Variants in MEGF6 observed in about 807,000 individuals in gnomAD.
The protein encoded by MEGF6 is multiple EGF like domains 6.
Under a neutral mutation model 207.1 loss-of-function variants are expected in MEGF6, and 184 were observed. That is an observed-to-expected ratio of 0.89 (90% CI 0.79 to 1.00). MEGF6 has a LOEUF of 1.00. MEGF6 is among the 50% of genes least tolerant of loss of function. The probability of loss-of-function intolerance (pLI) is 0.00; values close to 1 mark genes in which losing one functional copy is unlikely to be tolerated. For synonymous variants in MEGF6, 1,038 were observed against 910.0 expected (o/e 1.14, Z -2.53); for missense variants, 2,282 against 2,202.9 (o/e 1.04, Z -0.72).
intron 3 of MEGF6, among the ~76,000 whole-genome samples, chr1:3,580,246 G>T (rs1266192948): frequency 1.3e-5 from 2 of 151,148 alleles, no homozygotes; most frequent in East Asian, 2.0e-4. Flanking sequence ...TCTGAGAGGG[G>T]TGGGAGGAGG....
chr1:3,594,550 C>T lies in MEGF6; in HGVS notation c.376+788G>A, dbSNP rs993144598. 4.6e-5 allele frequency among the ~76,000 whole-genome samples: 7 copies of T among 152,202 alleles called. No homozygotes were observed. Among genetic ancestry groups the T allele is most frequent in the South Asian group, 2.1e-4 (1 of 4,830 alleles). ...GCCACCTCGATTTTTTAGGGGAGGC[C>T]GGCTTTATGGGACAGGGTCCCATGA... is the stretch of plus-strand genomic sequence containing the variant. On this transcript the variant is annotated intron_variant, in intron 3 of 36. Transcript: ENST00000356575. This position sits in a 1 kb window ranked among gnomAD's most constrained non-coding sequence, Gnocchi z 4.2.
At chr1:3,569,440 A>G (rs966261648) in intron 4 of MEGF6, among the ~76,000 whole-genome samples, 2 of 152,234 alleles carry the variant, frequency 1.3e-5, no homozygotes, top group African/African-American at 4.8e-5. Flanking sequence ...ACAGCCCCAC[A>G]CCCGGATGCC....
At chr1:3,601,718 T>C (rs1330427894) in intron 2 of MEGF6, among the ~76,000 whole-genome samples, 1 of 152,212 alleles carries the variant, frequency 6.6e-6, no homozygotes, top group African/African-American at 2.4e-5. Context: ...TCTCCTCTAC[T>C]CTGAACACAT....
chr1:3,494,441 G>A lies in MEGF6; in HGVS notation c.4059C>T (p.Asn1353=), dbSNP rs772729101. 5.1e-6 allele frequency: 8 copies of A among 1,569,710 alleles called. No individual in the cohort carries two copies. In the South Asian group the frequency reaches 5.8e-5, roughly 11 times the overall value. The change falls in exon 32 of 37, where the codon AAC becomes AAT. Residue 1353 remains asparagine (N), a synonymous_variant. Transcript: ENST00000356575. ...TGCCCGTGGCAGGCTCACACGTGCT[G>A]TTGTTGTGGCAGGAGCACTCCAGAT... ...ACHLECSCHN[N]STCEPATGTC...
At chr1:3,615,298 G>A (rs997849154), upstream of MEGF6, among the ~76,000 whole-genome samples, 7 of 152,202 alleles carry the variant, frequency 4.6e-5, no homozygotes, top group African/African-American at 1.4e-4. Context: ...GAGAAAGGGC[G>A]GCTGCAGAGA....
chr1:3,560,464 T>C lies in MEGF6; in HGVS notation c.481+19361A>G, dbSNP rs534553514. 1.3e-5 allele frequency among the ~76,000 whole-genome samples: 2 copies of C among 152,238 alleles called. No individual in the cohort carries two copies. The highest frequency in any genetic ancestry group is 2.9e-5 in the Non-Finnish European group (2 of 68,014). ...CTCTGTGCTCCGCCTATTCACCCCT[T>C]CCTCCCTCCTTCCTCACCCCTGGCA... is the stretch of plus-strand genomic sequence containing the variant. On this transcript the variant is annotated intron_variant, in intron 4 of 36. Transcript: ENST00000356575. This position sits in a 1 kb window ranked among gnomAD's most constrained non-coding sequence, Gnocchi z 4.0.
chr1:3,541,655 C>T (rs948715518), intron 4 of MEGF6, among the ~76,000 whole-genome samples: 6 of 152,170 alleles, frequency 3.9e-5, no homozygotes, highest in Non-Finnish European at 8.8e-5. Context: ...CCGCAGCCCT[C>T]GGTCACTTCC....
chr1:3,490,517 G>C lies in MEGF6; in HGVS notation c.*11C>G. 6.2e-7 allele frequency: 1 copy of C among 1,612,466 alleles called. No homozygotes were observed. Among genetic ancestry groups the C allele is most frequent in the Non-Finnish European group, 8.5e-7 (1 of 1,179,678 alleles). ...GGGACTGGAGAGGCGGGCTCCACGG[G>C]ACTGCCTCTACTAGTGCCTCGCTGG... On this transcript the variant is annotated 3_prime_UTR_variant, in exon 37 of 37. Coordinates refer to ENST00000356575, the MANE Select transcript of MEGF6 (RefSeq NM_001409.4).
intron 4 of MEGF6, among the ~76,000 whole-genome samples, chr1:3,557,469 T>C (rs1643069188): frequency 6.6e-6 from 1 of 152,176 alleles, no homozygotes; most frequent in African/African-American, 2.4e-5. Context: ...GGAGCCACTG[T>C]CTAAGCAAGC....
At chr1:3,544,048 C>T (rs1444976059) in intron 4 of MEGF6, among the ~76,000 whole-genome samples, 2 of 152,190 alleles carry the variant, frequency 1.3e-5, no homozygotes, top group Non-Finnish European at 2.9e-5. Flanking sequence ...CCTCTGCGCG[C>T]CGCACCACTC....
chr1:3,620,539 C>A, the MEGF6 span, among the ~76,000 whole-genome samples: 1 of 152,226 alleles, frequency 6.6e-6, no homozygotes, highest in Admixed American at 6.5e-5. Context: ...GAAGTCCAGG[C>A]TGAAGTCTGC....
rs1569908669 is a variant in MEGF6, at chr1:3,490,340, CCCT to C, written c.*185_*187del. ...CTCTTCCAGCGGCCATGCGAGGCTT[CCCT>C]CCTCAAGGCCACACCAGCCTCCAAG... On this transcript the variant is annotated 3_prime_UTR_variant, in exon 37 of 37. Transcript: ENST00000356575. 3 of 639,586 alleles carry C rather than the reference CCCT, an allele frequency of 4.7e-6. No individual in the cohort carries two copies. Among genetic ancestry groups the C allele is most frequent in the Non-Finnish European group, 7.9e-6 (3 of 380,338 alleles). The allele number at this position is 639,586 out of a possible 1,614,324, so 39.6% of individuals were successfully genotyped here. A position where few individuals can be genotyped will look rare whatever the true frequency, so the allele number is the denominator to read the frequency against.
chr1:3,523,632 C>T (rs557025643), intron 5 of MEGF6, among the ~76,000 whole-genome samples: 2 of 152,306 alleles, frequency 1.3e-5, no homozygotes, highest in Non-Finnish European at 2.9e-5. Context: ...GCTCTGCGGG[C>T]GAAGGGTGTC....
rs150837094 is a variant in MEGF6, at chr1:3,586,655, C to T, written c.377-6726G>A. On this transcript the variant is annotated intron_variant, in intron 3 of 36. Transcript: ENST00000356575. ...CTCAGCCAATTCCCACGCTGGGACT[C>T]GGGGCTGGCATGCGGCCCGAACGGA... 1.4e-3 allele frequency among the ~76,000 whole-genome samples: 218 copies of T among 152,232 alleles called. 4 individuals are homozygous for T. Among genetic ancestry groups the T allele is most frequent in the East Asian group, 2.3e-3 (12 of 5,176 alleles).
chr1:3,501,075 A>G lies in MEGF6; in HGVS notation c.2466T>C (p.Tyr822=). Residue 822 remains tyrosine, a synonymous_variant, in exon 20 of 37, where the codon TAT becomes TAC. Transcript: ENST00000356575. ...RCQDVCPAGW[Y]GPSCQTRCSC... is the part of the protein sequence containing the mutation. ...AGCACCTTGTCTGGCAGCTGGGACC[A>G]TACCAGCCTGCTGGGCACACTACAG... The G allele has an allele frequency of 1.2e-6, 2 of 1,612,736 alleles. No individual in the cohort carries two copies. Among genetic ancestry groups the G allele is most frequent in the African/African-American group, 1.3e-5 (1 of 75,036 alleles).
chr1:3,538,488 T>A (rs1219672391), intron 4 of MEGF6, among the ~76,000 whole-genome samples: 1 of 152,130 alleles, frequency 6.6e-6, no homozygotes, highest in Non-Finnish European at 1.5e-5. Context: ...CAGCTGCCAT[T>A]CCTGACTGCA....
intron 4 of MEGF6, among the ~76,000 whole-genome samples, chr1:3,564,701 C>T (rs1235309999): frequency 6.6e-6 from 1 of 152,160 alleles, no homozygotes; most frequent in Non-Finnish European, 1.5e-5. Context: ...GGGTATGGCC[C>T]CCACTCCCTT....
At chr1:3,494,333 A>G (rs1222651670) in intron 32 of MEGF6, 38 bp downstream of exon 32, 1 of 1,524,510 alleles carries the variant, frequency 6.6e-7, no homozygotes, top group Non-Finnish European at 8.8e-7. Context: ...CAGTGGCTCA[A>G]AGGGGCCCCA....
intron 4 of MEGF6, among the ~76,000 whole-genome samples, chr1:3,541,415 G>A (rs1311026366): frequency 6.6e-6 from 1 of 152,240 alleles, no homozygotes; most frequent in African/African-American, 2.4e-5. Flanking sequence ...CTGGGTGGAG[G>A]CCCTGCCATG....
Sources: allele counts gnomAD v4.1 joint callset (sites outside exome capture counted in the v4.1 genomes callset), GRCh38; gene constraint gnomAD v4.1.1; non-coding constraint Gnocchi (gnomAD v3.1); transcripts MANE v1.5; gene names NCBI Gene and HGNC (gene_info 2026-07-23, HGNC 2026-07-21).